Variants in NKAIN2 observed in about 807,000 individuals in gnomAD.
NKAIN2 encodes sodium/potassium-transporting ATPase subunit beta-1-interacting protein 2.
In NKAIN2, 14 loss-of-function variants were observed where a neutral mutation model predicts 32.6. That is an observed-to-expected ratio of 0.43 (90% CI 0.28 to 0.67). The LOEUF is 0.67. Among genes scored for constraint, NKAIN2 ranks in the 30% least tolerant of loss-of-function variants. The pLI is 0.17. For synonymous variants in NKAIN2, 80 were observed against 87.2 expected (o/e 0.92, Z 0.46); for missense variants, 198 against 258.3 (o/e 0.77, Z 1.60).
intron 3 of NKAIN2, among the ~76,000 whole-genome samples, chr6:124,355,940 TG>T (rs1213503455): frequency 3.9e-5 from 6 of 152,186 alleles, no homozygotes; most frequent in African/African-American, 1.4e-4. Flanking sequence ...ACACAAATAG[TG>T]TAGGCTTCAG....
At chr6:124,357,641 T>A (rs1245799850) in intron 3 of NKAIN2, among the ~76,000 whole-genome samples, 1 of 152,190 alleles carries the variant, frequency 6.6e-6, no homozygotes, top group Non-Finnish European at 1.5e-5. Flanking sequence ...TTTATATATG[T>A]GAAAGAAATG....
At chr6:124,083,851 G>C (rs1404085249) in intron 1 of NKAIN2, among the ~76,000 whole-genome samples, 1 of 151,966 alleles carries the variant, frequency 6.6e-6, no homozygotes, top group Non-Finnish European at 1.5e-5. Flanking sequence ...TATGGTTACA[G>C]AGAGCATGAT....
chr6:124,179,049 G>A lies in NKAIN2; in HGVS notation c.55-103956G>A, dbSNP rs1371166800. Among the ~76,000 whole-genome samples, 6 of 152,274 alleles carry A rather than the reference G, an allele frequency of 3.9e-5. No individual in the cohort carries two copies. The East Asian group carries it at 5.8e-4, about 15-fold the overall frequency. On this transcript the variant is annotated intron_variant, in intron 1 of 6. Coordinates refer to ENST00000368417, the MANE Select transcript of NKAIN2 (RefSeq NM_001040214.3). ...CTGTACAATACAGGTACTACAACTCGATTAAAATTAGCAAAGACTTTAAAA... is the reference window on the plus strand; with the variant it reads ...CTGTACAATACAGGTACTACAACTCAATTAAAATTAGCAAAGACTTTAAAA...
chr6:123,810,758 C>T (rs1263734868), intron 1 of NKAIN2, among the ~76,000 whole-genome samples: 1 of 151,796 alleles, frequency 6.6e-6, no homozygotes, highest in Non-Finnish European at 1.5e-5. Flanking sequence ...TTGTTTTTTA[C>T]ATGCTCCAAA....
chr6:124,448,613 G>C (rs574612325), intron 3 of NKAIN2, among the ~76,000 whole-genome samples: 4 of 152,126 alleles, frequency 2.6e-5, no homozygotes, highest in Admixed American at 2.6e-4. Flanking sequence ...CACAGGATAG[G>C]GTCAAGAGAC....
chr6:124,476,047 T>TGTGAGA (rs1554213791), intron 3 of NKAIN2, among the ~76,000 whole-genome samples: 21 of 138,800 alleles, frequency 1.5e-4, no homozygotes, highest in African/African-American at 5.7e-4. Context: ...AGTGTGTGTG[T>TGTGAGA]GAGAGAGAGA....
At chr6:124,306,792 C>A (rs1308624686) in intron 2 of NKAIN2, among the ~76,000 whole-genome samples, 1 of 152,040 alleles carries the variant, frequency 6.6e-6, no homozygotes, top group Non-Finnish European at 1.5e-5. Flanking sequence ...ATCTTAATGG[C>A]CATTATTCAG....
intron 4 of NKAIN2, among the ~76,000 whole-genome samples, chr6:124,728,853 C>A (rs1169359817): frequency 6.6e-6 from 1 of 151,508 alleles, no homozygotes; most frequent in Admixed American, 6.6e-5. Context: ...CTAATAGACG[C>A]AATAAAAAAT....
At chr6:124,788,967 A>C (rs915170724) in intron 4 of NKAIN2, among the ~76,000 whole-genome samples, 1 of 152,134 alleles carries the variant, frequency 6.6e-6, no homozygotes, top group Non-Finnish European at 1.5e-5. Flanking sequence ...AGAAGTGACC[A>C]ATTTAAAAGC....
intron 3 of NKAIN2, among the ~76,000 whole-genome samples, chr6:124,471,500 A>T (rs1776971691): frequency 6.6e-6 from 1 of 152,106 alleles, no homozygotes; most frequent in Admixed American, 6.6e-5. Flanking sequence ...TCTCAAGATG[A>T]TTACATATAT....
chr6:124,545,336 T>G (rs747919073), intron 3 of NKAIN2, among the ~76,000 whole-genome samples: 5 of 152,076 alleles, frequency 3.3e-5, no homozygotes, highest in Non-Finnish European at 7.4e-5. Context: ...CTGTCTCCCT[T>G]TTCTCCCTAT....
intron 3 of NKAIN2, among the ~76,000 whole-genome samples, chr6:124,379,139 AG>A (rs1183691169): frequency 2.6e-5 from 1 of 38,662 alleles, no homozygotes; most frequent in African/African-American, 9.6e-5. Context: ...AGGAGAGGGG[AG>A]GGGAGGGAGG....
At chr6:124,151,720 G>C (rs1787734876) in intron 1 of NKAIN2, among the ~76,000 whole-genome samples, 1 of 151,952 alleles carries the variant, frequency 6.6e-6, no homozygotes, top group African/African-American at 2.4e-5. Context: ...TCACAATACA[G>C]TTTTAACTTG....
At chr6:123,949,136 A>G (rs1332387147) in intron 1 of NKAIN2, among the ~76,000 whole-genome samples, 1 of 151,900 alleles carries the variant, frequency 6.6e-6, no homozygotes, top group Non-Finnish European at 1.5e-5. Context: ...GTTTTTATAC[A>G]AATACCATCC....
At chr6:124,569,359 T>G (rs1163134842) in intron 3 of NKAIN2, among the ~76,000 whole-genome samples, 1 of 152,128 alleles carries the variant, frequency 6.6e-6, no homozygotes. Flanking sequence ...TATTTTTGCT[T>G]AAATTACTTT....
intron 3 of NKAIN2, among the ~76,000 whole-genome samples, chr6:124,476,063 AGAGTGTGTGTGTGTGT>A (rs1217206042): frequency 4.3e-5 from 5 of 115,024 alleles, no homozygotes; most frequent in Non-Finnish European, 7.1e-5. Flanking sequence ...AGAGAGAGAG[AGAGTGTGTGTGTGTGT>A]GTGTGTGTGT....
chr6:124,774,310 TG>T (rs1469160709), intron 4 of NKAIN2, among the ~76,000 whole-genome samples: 1 of 152,198 alleles, frequency 6.6e-6, no homozygotes, highest in Non-Finnish European at 1.5e-5. Context: ...CAGTATTTTC[TG>T]ACAGATTGGT....
intron 3 of NKAIN2, chr6:124,438,018 T>C (rs546351109): frequency 4.0e-5 from 15 of 372,522 alleles, no homozygotes; most frequent in Admixed American, 1.5e-4. Context: ...AGAAAGCCCA[T>C]TGGCATCATA....
At chr6:124,411,831 G>A (rs879818811) in intron 3 of NKAIN2, among the ~76,000 whole-genome samples, 1 of 152,174 alleles carries the variant, frequency 6.6e-6, no homozygotes, top group Non-Finnish European at 1.5e-5. Flanking sequence ...ATCAGACATG[G>A]ATTTGGTCTT....
Sources: allele counts gnomAD v4.1 joint callset (sites outside exome capture counted in the v4.1 genomes callset), GRCh38; gene constraint gnomAD v4.1.1; transcripts MANE v1.5; gene names NCBI Gene and HGNC (gene_info 2026-07-23, HGNC 2026-07-21).